DNM3: variants seen among roughly 807,000 people sequenced by gnomAD.
The protein encoded by DNM3 is dynamin 3.
A neutral mutation model predicts 101.6 loss-of-function variants in DNM3; 47 were observed. The ratio of observed to expected loss-of-function variants is 0.46; its 90% CI spans 0.37 to 0.59. The LOEUF (loss-of-function observed/expected upper bound fraction) is 0.59, where lower values mean the gene tolerates loss of function less well. Among genes scored for constraint, DNM3 ranks in the 20% least tolerant of loss-of-function variants. The pLI is 0.00. For synonymous variants in DNM3, 385 were observed against 387.9 expected, an observed-to-expected ratio of 0.99 and a Z score of 0.09; for missense variants, 849 against 1,085.7, an observed-to-expected ratio of 0.78 and a Z score of 3.06.
chr1:172,202,772 G>A (rs1022925062), intron 14 of DNM3, among the ~76,000 whole-genome samples: 1 of 152,048 alleles, frequency 6.6e-6, no homozygotes, highest in African/African-American at 2.4e-5. Context: ...TTTGATAAAG[G>A]TTTAATCTAC....
intron 14 of DNM3, among the ~76,000 whole-genome samples, chr1:172,194,292 A>C (rs1327081916): frequency 1.3e-5 from 2 of 152,106 alleles, no homozygotes; most frequent in Admixed American, 1.3e-4. Context: ...TATGTGGTCA[A>C]TTTTGGAATA....
At chr1:172,222,959 T>C (rs2060964294) in intron 14 of DNM3, among the ~76,000 whole-genome samples, 1 of 152,130 alleles carries the variant, frequency 6.6e-6, no homozygotes, top group Admixed American at 6.6e-5. Context: ...TTTTTACACA[T>C]AGTAGTTGTA....
At chr1:172,043,149 G>A (rs1053083649) in intron 8 of DNM3, among the ~76,000 whole-genome samples, 2 of 152,118 alleles carry the variant, frequency 1.3e-5, no homozygotes, top group African/African-American at 4.8e-5. Flanking sequence ...TAGAGAGATG[G>A]GTGGCTTTGG....
chr1:172,272,537 T>G (rs1025661769), intron 15 of DNM3, among the ~76,000 whole-genome samples: 2 of 152,266 alleles, frequency 1.3e-5, no homozygotes, highest in African/African-American at 4.8e-5. Context: ...GAAATTAAAG[T>G]GATTCTACAC....
At chr1:172,136,564 G>T (rs2057240767) in intron 14 of DNM3, 1 of 152,026 alleles carries the variant, frequency 6.6e-6, no homozygotes, top group African/African-American at 2.4e-5. Context: ...AATTCTGCAT[G>T]ATCACAGTTG....
intron 4 of DNM3, among the ~76,000 whole-genome samples, chr1:172,010,814 GTTTTA>G (rs2047076176): frequency 2.0e-5 from 3 of 150,370 alleles, no homozygotes; most frequent in African/African-American, 4.9e-5. Context: ...TCATGTTCGT[GTTTTA>G]TTTTATATTT....
intron 17 of DNM3, among the ~76,000 whole-genome samples, chr1:172,373,128 C>T (rs1191571611): frequency 1.3e-5 from 2 of 151,952 alleles, no homozygotes; most frequent in African/African-American, 4.8e-5. Flanking sequence ...ACATAGTACT[C>T]ACTAACAATA....
At chr1:172,155,407 T>A (rs1162353906) in intron 14 of DNM3, among the ~76,000 whole-genome samples, 1 of 152,118 alleles carries the variant, frequency 6.6e-6, no homozygotes, top group Non-Finnish European at 1.5e-5. Context: ...TCTCTCCTGC[T>A]TTATGGTGGA....
intron 1 of DNM3, among the ~76,000 whole-genome samples, chr1:171,850,184 C>A (rs2032761083): frequency 6.6e-6 from 1 of 152,136 alleles, no homozygotes; most frequent in Non-Finnish European, 1.5e-5. Context: ...GTAATTAGAT[C>A]TTAAAAGAAG....
At chr1:172,193,219 G>A (rs1339410312) in intron 14 of DNM3, among the ~76,000 whole-genome samples, 1 of 151,502 alleles carries the variant, frequency 6.6e-6, no homozygotes, top group Non-Finnish European at 1.5e-5. Context: ...ATCAAAAAGT[G>A]GGGGTGGATA....
intron 15 of DNM3, among the ~76,000 whole-genome samples, chr1:172,280,528 T>G (rs1285970618): frequency 2.6e-5 from 4 of 152,208 alleles, no homozygotes; most frequent in African/African-American, 9.6e-5. Context: ...TACTTCTTAC[T>G]GGATTTTTTC....
intron 14 of DNM3, among the ~76,000 whole-genome samples, chr1:172,246,566 A>G (rs1346469880): frequency 6.6e-6 from 1 of 152,160 alleles, no homozygotes; most frequent in East Asian, 1.9e-4. Flanking sequence ...TTTCTAGTGG[A>G]AGAGATAGTT....
At chr1:171,901,318 C>T (rs929766546) in intron 1 of DNM3, among the ~76,000 whole-genome samples, 3 of 151,970 alleles carry the variant, frequency 2.0e-5, no homozygotes, top group African/African-American at 7.3e-5. Context: ...AAGAAGACAG[C>T]ACGGAGAGAC....
Position 171,921,187 on chromosome 1 carries a change from A to G in DNM3, c.162-561A>G, listed in dbSNP as rs117158618. ...GGTCTTGAACTCCTGGACTCAAGCA[A>G]TTCACCAGCCTCAGCCTCCCATAGT... On this transcript the variant is annotated intron_variant, in intron 1 of 20. Coordinates refer to ENST00000627582, the MANE Select transcript of DNM3 (RefSeq NM_015569.5). 1.3e-4 allele frequency among the ~76,000 whole-genome samples: 19 copies of G among 151,868 alleles called. No individual in the cohort carries two copies. The East Asian group carries it at 3.7e-3, about 29-fold the overall frequency.
intron 12 of DNM3, among the ~76,000 whole-genome samples, chr1:172,086,021 G>A (rs2053506594): frequency 6.6e-6 from 1 of 152,142 alleles, no homozygotes; most frequent in Non-Finnish European, 1.5e-5. Flanking sequence ...ATACAGGATT[G>A]AGCAACTTGA....
intron 17 of DNM3, among the ~76,000 whole-genome samples, chr1:172,333,335 C>T (rs1016431998): frequency 5.3e-5 from 8 of 152,064 alleles, no homozygotes; most frequent in Non-Finnish European, 8.8e-5. Context: ...GAGTATAAGG[C>T]ACTTGTAGGA....
chr1:172,095,395 T>C (rs1390939225), intron 13 of DNM3, among the ~76,000 whole-genome samples: 1 of 152,214 alleles, frequency 6.6e-6, no homozygotes. Flanking sequence ...GATTATGAAC[T>C]AGAATATATT....
intron 1 of DNM3, among the ~76,000 whole-genome samples, chr1:171,848,455 T>C (rs1213220292): frequency 6.6e-6 from 1 of 152,126 alleles, no homozygotes; most frequent in Non-Finnish European, 1.5e-5. Context: ...AAATAAGATA[T>C]TGGATGTTTT....
At chr1:172,164,309 C>A (rs1002867939) in intron 14 of DNM3, among the ~76,000 whole-genome samples, 1 of 144,120 alleles carries the variant, frequency 6.9e-6, no homozygotes, top group African/African-American at 2.7e-5. Flanking sequence ...GTGTTAAGGT[C>A]TGTGTTCAGG....
Sources: gnomAD v4.1 joint callset for allele counts (sites outside exome capture counted in the v4.1 genomes callset) on GRCh38, gnomAD v4.1.1 for gene constraint, MANE v1.5 for transcripts, NCBI Gene and HGNC (gene_info 2026-07-23, HGNC 2026-07-21) for gene names.